ZBTB8B: variants seen among roughly 807,000 people sequenced by gnomAD.
ZBTB8B encodes the protein zinc finger and BTB domain containing 8B.
In ZBTB8B, 17 loss-of-function variants were observed where a neutral mutation model predicts 30.3. The observed-to-expected ratio is 0.56, with a 90% CI of 0.38 to 0.84. The LOEUF is 0.84. Among genes scored for constraint, ZBTB8B ranks in the 40% least tolerant of loss-of-function variants. The probability of loss-of-function intolerance (pLI) is 0.00; values close to 1 mark genes in which losing one functional copy is unlikely to be tolerated. For missense variants in ZBTB8B, 515 were observed against 644.9 expected (o/e 0.80, Z 2.18); for synonymous variants, 248 against 255.6 (o/e 0.97, Z 0.28).
intron 1 of ZBTB8B, among the ~76,000 whole-genome samples, chr1:32,467,458 T>G (rs1320623056): frequency 6.6e-6 from 1 of 152,032 alleles, no homozygotes; most frequent in Non-Finnish European, 1.5e-5. Flanking sequence ...TTCACTACGT[T>G]GGCCAGGCTG....
rs1570267340 is a variant in ZBTB8B, at chr1:32,491,005, A to C, written c.*5587A>C. The C allele has an allele frequency of 6.6e-6, 1 of 152,200 alleles. No individual in the cohort carries two copies. The highest frequency in any genetic ancestry group is 2.4e-5 in the African/African-American group (1 of 41,448). 9.4% of individuals were successfully genotyped at this position (152,200 alleles called of 1,614,324 possible). On this transcript the variant is annotated 3_prime_UTR_variant, in exon 4 of 4. Transcript: ENST00000609129. The stretch of plus-strand genomic sequence containing the variant: ...GCATCCGTCTTGACCCTCCAGGTAG[A>C]TTATTTTACTACTGCCAATTCTTCA...
At position 32,484,212 on chromosome 1, in the gene ZBTB8B, A is replaced by G. The variant is rs1347556166; in HGVS notation, c.1171-889A>G. Among the ~76,000 whole-genome samples the G allele has an allele frequency of 5.3e-5, 7 of 132,882 alleles. No individual in the cohort carries two copies. The highest frequency in any genetic ancestry group is 1.9e-4 in the African/African-American group (7 of 36,062). 87.2% of individuals were successfully genotyped at this position (132,882 alleles called of 152,430 possible). ...GACAGAGAAAGACCCTGTCTCTGGA[A>G]AAAAAAAAAAAAAATCCCAATCAGT... On this transcript the variant is annotated intron_variant, in intron 3 of 3. Transcript: ENST00000609129. The surrounding 1 kb of genome is among the most constrained non-coding windows in gnomAD (Gnocchi z 4.5).
chr1:32,483,157 G>A (rs1327161843), intron 3 of ZBTB8B, among the ~76,000 whole-genome samples: 1 of 150,794 alleles, frequency 6.6e-6, no homozygotes, highest in African/African-American at 2.4e-5. Context: ...TTGGGAGGCT[G>A]GGGTGGATGG....
At position 32,489,904 on chromosome 1, in the gene ZBTB8B, G is replaced by C. The variant is rs1374262405; in HGVS notation, c.*4486G>C. On this transcript the variant is annotated 3_prime_UTR_variant, in exon 4 of 4. Transcript: ENST00000609129. Reference sequence around the variant, plus strand: ...GATGTAAATATTTTGGTGGCCACCAGACTTTGAATATTCCTTAAGGAAGCT... The same window carrying C: ...GATGTAAATATTTTGGTGGCCACCACACTTTGAATATTCCTTAAGGAAGCT... 1 of 152,210 alleles carries C rather than the reference G, an allele frequency of 6.6e-6. No individual in the cohort carries two copies. The highest frequency in any genetic ancestry group is 2.4e-5 in the African/African-American group (1 of 41,460). 9.4% of individuals were successfully genotyped at this position (152,210 alleles called of 1,614,324 possible).
chr1:32,486,232 G>A lies in ZBTB8B; in HGVS notation c.*814G>A, dbSNP rs1321297807. On this transcript the variant is annotated 3_prime_UTR_variant, in exon 4 of 4. Transcript: ENST00000609129. ...CCAGCAATTTCCAAAAGCTGGAGCT[G>A]TGTAACTTGGAAATGTAGCTGCCTC... 1 of 152,236 alleles carries A rather than the reference G, an allele frequency of 6.6e-6. No individual in the cohort carries two copies. Among genetic ancestry groups the A allele is most frequent in the South Asian group, 2.1e-4 (1 of 4,830 alleles). 9.4% of individuals were successfully genotyped at this position (152,236 alleles called of 1,614,324 possible).
chr1:32,479,991 A>T (rs1038501092), intron 2 of ZBTB8B, among the ~76,000 whole-genome samples: 2 of 152,206 alleles, frequency 1.3e-5, no homozygotes, highest in Non-Finnish European at 2.9e-5. Context: ...TATTCTTAGG[A>T]ACTACTGTCC....
rs539650000 is a variant in ZBTB8B at position 32,496,639 on chromosome 1, A to G, written c.*11221A>G. ...TTTTGCTGTTTTTACTTTTTTATAT[A>G]TAAAGAACTAAAATTACGAGAGAAT... is the stretch of plus-strand genomic sequence containing the variant. On this transcript the variant is annotated 3_prime_UTR_variant, in exon 4 of 4. Transcript: ENST00000609129. The G allele has an allele frequency of 6.6e-6, 1 of 152,338 alleles. No individual in the cohort carries two copies. The highest frequency in any genetic ancestry group is 2.1e-4 in the South Asian group (1 of 4,824). 9.4% of individuals were successfully genotyped at this position (152,338 alleles called of 1,614,324 possible).
At chr1:32,472,912 C>T (rs764786396) in intron 2 of ZBTB8B, among the ~76,000 whole-genome samples, 7 of 152,212 alleles carry the variant, frequency 4.6e-5, no homozygotes, top group Admixed American at 2.6e-4. Flanking sequence ...CCACTGTGCC[C>T]GGCTGACTTG....
At chr1:32,468,747 G>A (rs1643592787) in intron 1 of ZBTB8B, among the ~76,000 whole-genome samples, 1 of 152,062 alleles carries the variant, frequency 6.6e-6, no homozygotes, top group Admixed American at 6.6e-5. Flanking sequence ...TGTAATCCCA[G>A]CTACTTGGGA....
rs182529431 is a variant in ZBTB8B, at chr1:32,472,756, G to A, written c.991+1141G>A. On this transcript the variant is annotated intron_variant, in intron 2 of 3. Coordinates refer to ENST00000609129, the MANE Select transcript of ZBTB8B (RefSeq NM_001145720.2). ...AGCCTCCCGAGTAGCTGGGATTACC[G>A]TAGGCGCATACCGCCACGCCCAGCT... 3.1e-3 allele frequency among the ~76,000 whole-genome samples: 471 copies of A among 152,260 alleles called. 7 individuals are homozygous for A. The highest frequency in any genetic ancestry group is 9.8e-3 in the African/African-American group (408 of 41,542).
chr1:32,485,350 G>C lies in ZBTB8B; in HGVS notation c.1420G>C (p.Ala474Pro), dbSNP rs1370571400. ...YVESGEENDP[A>P]GDDSDDKPQI... ...GGAGTCGGGTGAGGAAAATGACCCT[G>C]CTGGAGATGATTCTGATGACAAACC... is the stretch of plus-strand genomic sequence containing the variant. Residue 474 changes from alanine to proline, a missense_variant, in exon 4 of 4, where the codon GCT becomes CCT. Ala to Pro is a conservative substitution (Grantham distance 27, BLOSUM62 -1). Around this residue, in one of 3 missense-constraint regions of ZBTB8B, gnomAD observed 429 missense variants for 504.3 expected, o/e 0.85. Coordinates refer to ENST00000609129, the MANE Select transcript of ZBTB8B (RefSeq NM_001145720.2). 1.3e-6 allele frequency: 2 copies of C among 1,552,258 alleles called. No homozygotes were observed. The highest frequency in any genetic ancestry group is 3.9e-5 in the Admixed American group (2 of 50,990).
chr1:32,467,273 C>T (rs1375685573), intron 1 of ZBTB8B, among the ~76,000 whole-genome samples: 2 of 145,988 alleles, frequency 1.4e-5, no homozygotes, highest in East Asian at 2.1e-4. Context: ...GATGGAGTCT[C>T]GCACTATCGC....
At chr1:32,469,246 A>ATTTTTTTTTTTTTTT (rs541160413) in intron 1 of ZBTB8B, among the ~76,000 whole-genome samples, 3 of 117,352 alleles carry the variant, frequency 2.6e-5, no homozygotes, top group African/African-American at 1.1e-4. Flanking sequence ...CTCAAGTATA[A>ATTTTTTTTTTTTTTT]TTTTTTTTTT....
At chr1:32,467,860 C>T (rs1422695123) in intron 1 of ZBTB8B, among the ~76,000 whole-genome samples, 1 of 151,828 alleles carries the variant, frequency 6.6e-6, no homozygotes, top group African/African-American at 2.4e-5. Context: ...CACCTGTAAC[C>T]CCAGCACTTT....
Position 32,484,240 on chromosome 1 carries a change from A to G in ZBTB8B, c.1171-861A>G, listed in dbSNP as rs1416063828. 6.6e-6 allele frequency among the ~76,000 whole-genome samples: 1 copy of G among 151,592 alleles called. No individual in the cohort carries two copies. The highest frequency in any genetic ancestry group is 1.5e-5 in the Non-Finnish European group (1 of 67,932). ...AAAAAAAAAAAATCCCAATCAGTTC[A>G]CTTTCATTTGAGTGCTTTTTGTATG... On this transcript the variant is annotated intron_variant, in intron 3 of 3. Transcript: ENST00000609129. The surrounding 1 kb of genome is among the most constrained non-coding windows in gnomAD (Gnocchi z 4.5).
chr1:32,471,164 C>G lies in ZBTB8B; in HGVS notation c.540C>G (p.Ala180=), dbSNP rs774984832. The stretch of plus-strand genomic sequence containing the variant: ...CCAAGAGCTTGGTCTCCTCTCCAGC[C>G]GAGGGAGAAAAGAGCGTGGAGTGCC... ...CGTKSLVSSP[A]EGEKSVECLR... Residue 180 remains alanine, a synonymous_variant, in exon 2 of 4, where the codon GCC becomes GCG. Coordinates refer to ENST00000609129, the MANE Select transcript of ZBTB8B (RefSeq NM_001145720.2). 3.2e-6 allele frequency: 5 copies of G among 1,551,676 alleles called. No homozygotes were observed. The highest frequency in any genetic ancestry group is 4.4e-6 in the Non-Finnish European group (5 of 1,147,032).
intron 2 of ZBTB8B, among the ~76,000 whole-genome samples, chr1:32,478,308 T>G (rs1473866243): frequency 6.6e-6 from 1 of 151,860 alleles, no homozygotes; most frequent in Non-Finnish European, 1.5e-5. Flanking sequence ...GGTCAGGAGT[T>G]CAAGATCATC....
At position 32,465,784 on chromosome 1, in the gene ZBTB8B, A is replaced by G. The variant is rs923656976; in HGVS notation, c.-42+679A>G. Among the ~76,000 whole-genome samples the G allele has an allele frequency of 6.6e-6, 1 of 152,106 alleles. No individual in the cohort carries two copies. The highest frequency in any genetic ancestry group is 2.4e-5 in the African/African-American group (1 of 41,408). ...CAGTCGGATCTCTGTTCTATTACTA[A>G]CTTGGTGATGTTATCTGCATCTTTG... On this transcript the variant is annotated intron_variant, in intron 1 of 3. Transcript: ENST00000609129. The surrounding 1 kb of genome is among the most constrained non-coding windows in gnomAD (Gnocchi z 4.1).
Position 32,465,304 on chromosome 1 carries a change from G to A in ZBTB8B, c.-42+199G>A, listed in dbSNP as rs553002794. On this transcript the variant is annotated intron_variant, in intron 1 of 3. Coordinates refer to ENST00000609129, the MANE Select transcript of ZBTB8B (RefSeq NM_001145720.2). This position sits in a 1 kb window ranked among gnomAD's most constrained non-coding sequence, Gnocchi z 4.1. ...TTCTAGCGTGGGGAGGGGCAGGCGC[G>A]GCCGTGGGGCCCCAGCTTCCCTGTC... Among the ~76,000 whole-genome samples the A allele has an allele frequency of 1.3e-5, 2 of 152,250 alleles. No homozygotes were observed. The highest frequency in any genetic ancestry group is 4.1e-4 in the South Asian group (2 of 4,838).
Sources: gnomAD v4.1 joint callset for allele counts (sites outside exome capture counted in the v4.1 genomes callset) on GRCh38, gnomAD v4.1.1 for gene constraint, gnomAD v4.1.1 regional missense constraint, Gnocchi (gnomAD v3.1) non-coding constraint, MANE v1.5 for transcripts, NCBI Gene and HGNC (gene_info 2026-07-23, HGNC 2026-07-21) for gene names.